CENPO: variants seen among roughly 807,000 people sequenced by gnomAD.
CENPO encodes centromeric protein O.
In CENPO, 30 loss-of-function variants were observed where a neutral mutation model predicts 36.1. The observed-to-expected ratio is 0.83, with a 90% confidence interval of 0.62 to 1.13. The LOEUF (loss-of-function observed/expected upper bound fraction) is 1.13, where lower values mean the gene tolerates loss of function less well. CENPO is among the 50% of genes most tolerant of loss of function. CENPO has a pLI of 0.00. For synonymous variants in CENPO, 171 were observed against 142.3 expected, an observed-to-expected ratio of 1.20 and a Z score of -1.44; for missense variants, 349 against 357.8, an observed-to-expected ratio of 0.98 and a Z score of 0.20.
intron 6 of CENPO, among the ~76,000 whole-genome samples, chr2:24,817,145 G>A (rs1481967705): frequency 6.6e-6 from 1 of 152,168 alleles, no homozygotes; most frequent in African/African-American, 2.4e-5. Context: ...GGTCAGTTAT[G>A]GTGGATGGAG....
intron 3 of CENPO, among the ~76,000 whole-genome samples, chr2:24,803,921 T>C (rs1025489304): frequency 5.3e-5 from 8 of 152,110 alleles, no homozygotes; most frequent in Non-Finnish European, 8.8e-5. Context: ...CTAATGTTGA[T>C]GGTGGGGTGT....
Position 24,821,744 on chromosome 2 carries a change from G to T in CENPO, c.*2426G>T. 6.7e-7 allele frequency: 1 copy of T among 1,496,044 alleles called. No homozygotes were observed. Among genetic ancestry groups the T allele is most frequent in the East Asian group, 2.3e-5 (1 of 43,544 alleles). The allele number at this position is 1,496,044 out of a possible 1,614,324, so 92.7% of individuals were successfully genotyped here. Reference sequence around the variant, plus strand: ...TCTGGGGGTGGATTCCCTACACCTAGATGTTCAAGGCCTTACTTTTCCTCC... The same window carrying T: ...TCTGGGGGTGGATTCCCTACACCTATATGTTCAAGGCCTTACTTTTCCTCC... On this transcript the variant is annotated 3_prime_UTR_variant, in exon 8 of 8. Coordinates refer to ENST00000380834, the MANE Select transcript of CENPO (RefSeq NM_001322101.2).
chr2:24,808,917 A>C (rs1666552798), intron 3 of CENPO, among the ~76,000 whole-genome samples: 2 of 150,810 alleles, frequency 1.3e-5, no homozygotes, highest in African/African-American at 4.9e-5. Context: ...GAAAGACTTT[A>C]GATAAAATTG....
intron 2 of CENPO, among the ~76,000 whole-genome samples, chr2:24,797,774 G>T (rs1016735749): frequency 6.6e-6 from 1 of 152,212 alleles, no homozygotes; most frequent in African/African-American, 2.4e-5. Flanking sequence ...ATCAGTAGGA[G>T]CATATAGTGC....
chr2:24,818,564 G>T (rs1250086600), intron 7 of CENPO, among the ~76,000 whole-genome samples: 1 of 152,180 alleles, frequency 6.6e-6, no homozygotes. Flanking sequence ...AATAATCAGA[G>T]TTCAGTGTGT....
chr2:24,806,899 C>G (rs953113325), intron 3 of CENPO, among the ~76,000 whole-genome samples: 1 of 152,190 alleles, frequency 6.6e-6, no homozygotes, highest in African/African-American at 2.4e-5. Context: ...TGTCCTTCCT[C>G]CATTGCCACA....
rs1558397047 is a variant in CENPO, at chr2:24,822,274, A to C, written c.*2956A>C. The C allele has an allele frequency of 4.2e-6, 2 of 471,674 alleles. No homozygotes were observed. The highest frequency in any genetic ancestry group is 7.7e-5 in the East Asian group (2 of 25,828). 29.2% of individuals were successfully genotyped at this position (471,674 alleles called of 1,614,324 possible). On this transcript the variant is annotated 3_prime_UTR_variant, in exon 8 of 8. Coordinates refer to ENST00000380834, the MANE Select transcript of CENPO (RefSeq NM_001322101.2). ...GAGCCTTAGGGGGCCTGGCCACAGA[A>C]CACAACCATCTTAGGCCTGAGCTGT... is the stretch of plus-strand genomic sequence containing the variant.
In CENPO at chr2:24,815,760, T is replaced by G. The variant is rs1370365331; in HGVS notation, c.594+4T>G. ...GTACCAGGCAGACCGGCTTCAGGTATCTCTCTGGGATGTTATATGCCTCAT... is the reference window on the plus strand; with the variant it reads ...GTACCAGGCAGACCGGCTTCAGGTAGCTCTCTGGGATGTTATATGCCTCAT... On this transcript the variant is annotated splice_donor_region_variant and intron_variant, in intron 5 of 7. Transcript: ENST00000380834. 6.2e-7 allele frequency: 1 copy of G among 1,614,032 alleles called. No individual in the cohort carries two copies. The highest frequency in any genetic ancestry group is 8.5e-7 in the Non-Finnish European group (1 of 1,179,908).
At chr2:24,800,070 T>C (rs1666094189) in intron 3 of CENPO, among the ~76,000 whole-genome samples, 1 of 152,178 alleles carries the variant, frequency 6.6e-6, no homozygotes, top group Non-Finnish European at 1.5e-5. Context: ...CTATCGCCTG[T>C]GGTCAGGCGT....
rs1666961977 is a variant in CENPO at position 24,816,939 on chromosome 2, A to T, written c.766+122A>T. 1.2e-5 allele frequency: 9 copies of T among 777,728 alleles called. No individual in the cohort carries two copies. The South Asian group carries it at 1.6e-4, about 14-fold the overall frequency. The allele number at this position is 777,728 out of a possible 1,614,324, so 48.2% of individuals were successfully genotyped here. On this transcript the variant is annotated intron_variant, in intron 6 of 7. Transcript: ENST00000380834. ...CACTTTCTCTGTTTATATACTGTAC[A>T]TTACTCAGACCGGTAAGATAGAACA...
intron 3 of CENPO, among the ~76,000 whole-genome samples, chr2:24,806,176 G>C (rs560634378): frequency 6.6e-6 from 1 of 152,194 alleles, no homozygotes; most frequent in African/African-American, 2.4e-5. Context: ...TTGGAAAAGC[G>C]CAGTATTGGG....
In CENPO at chr2:24,820,428, G is replaced by C; in HGVS notation, c.*1110G>C. 1.5e-6 allele frequency: 2 copies of C among 1,315,852 alleles called. No homozygotes were observed. The highest frequency in any genetic ancestry group is 1.9e-6 in the Non-Finnish European group (2 of 1,035,256). The allele number at this position is 1,315,852 out of a possible 1,614,324, so 81.5% of individuals were successfully genotyped here. A position where few individuals can be genotyped will look rare whatever the true frequency, so the allele number is the denominator to read the frequency against. ...GCTCTTCTGTCCCTTTGCCCCTTTC[G>C]TGGAGCTTTTCTGCCAGACGCCACT... On this transcript the variant is annotated 3_prime_UTR_variant, in exon 8 of 8. Coordinates refer to ENST00000380834, the MANE Select transcript of CENPO (RefSeq NM_001322101.2).
At position 24,808,965 on chromosome 2, in the gene CENPO, G is replaced by A. The variant is rs375791600; in HGVS notation, c.217-5411G>A. Among the ~76,000 whole-genome samples the A allele has an allele frequency of 3.2e-4, 49 of 151,218 alleles. 1 individual carries two copies. The highest frequency in any genetic ancestry group is 5.8e-4 in the African/African-American group (24 of 41,180). ...CTTACATTTTGATGAGGAATTCCCC[G>A]GTGAAGCTCTTTGGGCCTTCTCTGT... On this transcript the variant is annotated intron_variant, in intron 3 of 7. Transcript: ENST00000380834.
At chr2:24,815,099 G>C (rs1010213491) in intron 4 of CENPO, among the ~76,000 whole-genome samples, 1 of 152,126 alleles carries the variant, frequency 6.6e-6, no homozygotes, top group Non-Finnish European at 1.5e-5. Flanking sequence ...TGAGCCAGGT[G>C]AGGTGGCATG....
chr2:24,821,886 C>T lies in CENPO; in HGVS notation c.*2568C>T, dbSNP rs1058064. 0.59 allele frequency: 271,142 copies of T among 460,532 alleles called. 81,831 individuals carry two copies. The highest frequency in any genetic ancestry group is 0.72 in the Admixed American group (18,591 of 25,900). The allele number at this position is 460,532 out of a possible 1,614,324, so 28.5% of individuals were successfully genotyped here. On this transcript the variant is annotated 3_prime_UTR_variant, in exon 8 of 8. Transcript: ENST00000380834. ...GGAGACGGACCTGTGAGTCTGACCA[C>T]GAGGCGGACCCCTTCACCTTGGCTG...
intron 5 of CENPO, chr2:24,816,230 G>C (rs1463388979): frequency 1.1e-5 from 2 of 186,752 alleles, no homozygotes; most frequent in Non-Finnish European, 2.2e-5. Flanking sequence ...AAAGTAGATA[G>C]GAAATTAATG....
At chr2:24,819,229 C>A (rs1012225036) in intron 7 of CENPO, 125 bp from the exon 8 acceptor site, 1 of 152,618 alleles carries the variant, frequency 6.6e-6, no homozygotes, top group Non-Finnish European at 1.5e-5. Flanking sequence ...CCTGTAAATT[C>A]TCTTAAAGCA....
At position 24,820,540 on chromosome 2, in the gene CENPO, G is replaced by A. The variant is rs987051211; in HGVS notation, c.*1222G>A. The A allele has an allele frequency of 2.9e-5, 40 of 1,403,496 alleles. No individual in the cohort carries two copies. Among genetic ancestry groups the A allele is most frequent in the South Asian group, 1.5e-5 (1 of 65,546 alleles). The allele number at this position is 1,403,496 out of a possible 1,614,324, so 86.9% of individuals were successfully genotyped here. ...TTCAGCCCAGATTTTGTGGATGGGT[G>A]GAAGTGTTTCTTCCTGTGCTGAGGC... On this transcript the variant is annotated 3_prime_UTR_variant, in exon 8 of 8. Coordinates refer to ENST00000380834, the MANE Select transcript of CENPO (RefSeq NM_001322101.2).
intron 3 of CENPO, among the ~76,000 whole-genome samples, chr2:24,803,745 C>G (rs1454045994): frequency 9.2e-5 from 14 of 152,096 alleles, no homozygotes; most frequent in Admixed American, 9.2e-4. Flanking sequence ...TGTTTTACTT[C>G]CAACTATGTG....
Sources: gnomAD v4.1 joint callset for allele counts (sites outside exome capture counted in the v4.1 genomes callset) on GRCh38, gnomAD v4.1.1 for gene constraint, MANE v1.5 for transcripts, NCBI Gene and HGNC (gene_info 2026-07-23, HGNC 2026-07-21) for gene names.